POLA1: variants seen among roughly 807,000 people sequenced by gnomAD.
POLA1 encodes the protein DNA polymerase alpha 1, catalytic subunit, also known as DNA polymerase alpha catalytic subunit.
A neutral mutation model predicts 124.0 loss-of-function variants in POLA1; 15 were observed. That is an observed-to-expected ratio of 0.12 (90% CI 0.08 to 0.19). The LOEUF is 0.19. Among genes scored for constraint, POLA1 ranks in the 10% least tolerant of loss-of-function variants. The pLI, the probability that POLA1 is intolerant of heterozygous loss-of-function variation, is 1.00. For missense variants in POLA1, 886 were observed against 1,103.4 expected, an observed-to-expected ratio of 0.80 and a Z score of 2.79; for synonymous variants, 408 against 389.4, an observed-to-expected ratio of 1.05 and a Z score of -0.56.
At chrX:24,973,144 T>C (rs1214824432) in intron 36 of POLA1, among the ~76,000 whole-genome samples, 2 of 111,622 alleles carry the variant, frequency 1.8e-5, no homozygotes, top group East Asian at 5.6e-4. Context: ...TTGCCTGAGT[T>C]CAGGAGTTCG....
Position 24,995,869 on chromosome X carries a change from A to G in POLA1, c.4326A>G (p.Thr1442=), listed in dbSNP as rs754180339. The part of the protein sequence containing the change: ...VLQDYRKLKN[T]AEQFLSRSGY... ...AGGACTACAGAAAACTCAAGAACAC[A>G]GCAGAGCAATTCTTGTCCCGAAGTG... The change falls in exon 37 of 37, where the codon ACA becomes ACG. Residue 1442 remains threonine, a synonymous_variant. Transcript: ENST00000379068. 56 of 1,208,479 alleles carry G rather than the reference A, an allele frequency of 4.6e-5. No homozygotes were observed. The highest frequency in any genetic ancestry group is 6.1e-5 in the Non-Finnish European group (54 of 892,357).
chrX:24,906,190 A>C (rs1299938601), intron 35 of POLA1, among the ~76,000 whole-genome samples: 1 of 112,439 alleles, frequency 8.9e-6, no homozygotes, highest in Non-Finnish European at 1.9e-5. Flanking sequence ...CATTATATGG[A>C]AGACACATGC....
chrX:24,934,311 C>G (rs779090386), intron 36 of POLA1, among the ~76,000 whole-genome samples: 102 of 112,227 alleles, frequency 9.1e-4, no homozygotes, highest in South Asian at 1.5e-3. Context: ...TGTTGAGTGA[C>G]ATTCCTCATG....
At chrX:24,819,400 C>CT (rs1243309264) in intron 30 of POLA1, among the ~76,000 whole-genome samples, 61 of 107,472 alleles carry the variant, frequency 5.7e-4, no homozygotes, top group South Asian at 2.4e-3. Flanking sequence ...GGCAGGCTCA[C>CT]TTTTTTTTTG....
intron 36 of POLA1, among the ~76,000 whole-genome samples, chrX:24,974,785 C>T (rs2048346708): frequency 1.8e-5 from 2 of 111,703 alleles, no homozygotes; most frequent in Non-Finnish European, 3.8e-5. Flanking sequence ...CAAACCTGCA[C>T]GTTCTGCACA....
intron 34 of POLA1, among the ~76,000 whole-genome samples, chrX:24,858,349 C>G (rs1471927565): frequency 8.9e-6 from 1 of 111,812 alleles, no homozygotes; most frequent in East Asian, 2.8e-4. Flanking sequence ...CTAATGATTT[C>G]ATGACATCAT....
At chrX:24,859,387 G>T (rs780996856) in intron 34 of POLA1, among the ~76,000 whole-genome samples, 1 of 111,042 alleles carries the variant, frequency 9.0e-6, no homozygotes, top group Non-Finnish European at 1.9e-5. Context: ...CATTCCTCAG[G>T]GATCCCTTAT....
At chrX:24,726,911 C>CT (rs761855543) in intron 13 of POLA1, 22 bp from the exon 14 acceptor site, 18,227 of 783,847 alleles carry the variant, frequency 0.023, no homozygotes, top group Non-Finnish European at 0.025. Flanking sequence ...CAAAAAGATT[C>CT]TTTTTTTTTT....
chrX:24,766,880 TG>T (rs1932917507), intron 26 of POLA1, among the ~76,000 whole-genome samples: 1 of 112,203 alleles, frequency 8.9e-6, no homozygotes, highest in African/African-American at 3.2e-5. Context: ...ATTGGGCTGT[TG>T]ATCTTAAAGC....
In POLA1 at chrX:24,773,121, AC is replaced by A. The variant is rs1188653333; in HGVS notation, c.2964+24130del. Among the ~76,000 whole-genome samples the A allele has an allele frequency of 1.3e-4, 15 of 112,536 alleles. No individual in the cohort carries two copies. The Admixed American group carries it at 1.4e-3, about 11-fold the overall frequency. On this transcript the variant is annotated intron_variant, in intron 26 of 36. Coordinates refer to ENST00000379068, the MANE Select transcript of POLA1 (RefSeq NM_001330360.2). ...TTGTTTTTCCACCTTTGATAAGTTT[AC>A]TAAACAAAGATATATAATTTGGTTT... is the stretch of plus-strand genomic sequence containing the variant.
intron 32 of POLA1, among the ~76,000 whole-genome samples, chrX:24,830,401 T>C (rs2046245197): frequency 9.0e-6 from 1 of 111,496 alleles, no homozygotes; most frequent in African/African-American, 3.3e-5. Flanking sequence ...ATTAAATGAG[T>C]GAATGAATAA....
intron 35 of POLA1, among the ~76,000 whole-genome samples, chrX:24,929,626 AATAG>A (rs1217017601): frequency 1.8e-5 from 2 of 112,088 alleles, no homozygotes; most frequent in Non-Finnish European, 3.8e-5. Context: ...GTTGATTTAA[AATAG>A]ATAGAAGTGC....
chrX:24,784,059 C>CT (rs11295214), intron 26 of POLA1, among the ~76,000 whole-genome samples: 1,179 of 59,456 alleles, frequency 0.02, 36 homozygotes, highest in African/African-American at 0.047. Context: ...ATTTATATTT[C>CT]TTTTTTTTTT....
At chrX:24,888,802 T>C (rs11573460) in intron 35 of POLA1, among the ~76,000 whole-genome samples, 38,573 of 106,312 alleles carry the variant, frequency 0.36, 5,355 homozygotes, top group South Asian at 0.42. Flanking sequence ...TCTTGATCTC[T>C]TGACCTTGTG....
intron 35 of POLA1, among the ~76,000 whole-genome samples, chrX:24,906,831 C>T (rs1333694219): frequency 9.0e-6 from 1 of 111,392 alleles, no homozygotes; most frequent in Admixed American, 9.5e-5. Context: ...TTAGTGGGCT[C>T]AATCATAGAA....
At chrX:24,832,243 C>T (rs1433830144) in intron 32 of POLA1, among the ~76,000 whole-genome samples, 1 of 111,589 alleles carries the variant, frequency 9.0e-6, no homozygotes, top group Non-Finnish European at 1.9e-5. Context: ...ATTCTTCTAG[C>T]CTGATGAACT....
chrX:24,785,104 T>G (rs2045337715), intron 26 of POLA1, among the ~76,000 whole-genome samples: 1 of 112,364 alleles, frequency 8.9e-6, no homozygotes, highest in Non-Finnish European at 1.9e-5. Flanking sequence ...CTTGTTAGGT[T>G]CTTAAGTGTT....
intron 34 of POLA1, among the ~76,000 whole-genome samples, chrX:24,877,836 G>T (rs1386778594): frequency 9.0e-6 from 1 of 111,109 alleles, no homozygotes; most frequent in Admixed American, 9.6e-5. Flanking sequence ...TGCAGCCAAA[G>T]GTTAGATGGA....
chrX:24,783,077 T>G (rs573134277), intron 26 of POLA1, among the ~76,000 whole-genome samples: 2 of 109,657 alleles, frequency 1.8e-5, no homozygotes, highest in African/African-American at 6.6e-5. Flanking sequence ...TAGATTCTTA[T>G]ATTGTTCCTT....
Sources: allele counts gnomAD v4.1 joint callset (sites outside exome capture counted in the v4.1 genomes callset), GRCh38; gene constraint gnomAD v4.1.1; transcripts MANE v1.5; gene names NCBI Gene and HGNC (gene_info 2026-07-23, HGNC 2026-07-21).